The following RIMS1 variants were observed in gnomAD, a reference collection of about 807,000 sequenced individuals.
The protein encoded by RIMS1 is regulating synaptic membrane exocytosis protein 1.
In RIMS1, 83 loss-of-function variants were observed where a neutral mutation model predicts 214.1. The observed-to-expected ratio is 0.39, with a 90% CI of 0.32 to 0.47. The LOEUF (loss-of-function observed/expected upper bound fraction) is 0.47. RIMS1 is among the 20% of genes least tolerant of loss of function. RIMS1 has a pLI of 0.99. For synonymous variants in RIMS1, 793 were observed against 786.8 expected, an observed-to-expected ratio of 1.01 and a Z score of -0.13; for missense variants, 2,050 against 2,161.8, an observed-to-expected ratio of 0.95 and a Z score of 1.03.
chr6:71,918,663 A>G (rs1779119801), intron 1 of RIMS1, among the ~76,000 whole-genome samples: 1 of 152,162 alleles, frequency 6.6e-6, no homozygotes, highest in African/African-American at 2.4e-5. Context: ...AAGAGTTTAA[A>G]AGAAAAATCT....
At chr6:71,999,321 G>A (rs1223519188) in intron 2 of RIMS1, among the ~76,000 whole-genome samples, 5 of 151,992 alleles carry the variant, frequency 3.3e-5, no homozygotes. Flanking sequence ...TGATGATGAC[G>A]ATGATCCTTG....
chr6:71,925,049 T>C (rs1781205825), intron 1 of RIMS1, among the ~76,000 whole-genome samples: 1 of 152,174 alleles, frequency 6.6e-6, no homozygotes, highest in Non-Finnish European at 1.5e-5. Context: ...AGTGCATACA[T>C]CAATGTTTAA....
At chr6:71,890,604 A>G (rs1769492853) in intron 1 of RIMS1, among the ~76,000 whole-genome samples, 1 of 131,878 alleles carries the variant, frequency 7.6e-6, no homozygotes, top group Non-Finnish European at 1.7e-5. Context: ...AAAACTTCAT[A>G]GAGAAAGCAG....
chr6:72,308,409 A>G (rs2095339512), intron 27 of RIMS1, among the ~76,000 whole-genome samples: 1 of 152,132 alleles, frequency 6.6e-6, no homozygotes, highest in Non-Finnish European at 1.5e-5. Flanking sequence ...CTTTGTTGTA[A>G]TTTAATATCA....
chr6:72,107,997 G>GTTTGTTTGT (rs1554227756), intron 4 of RIMS1, among the ~76,000 whole-genome samples: 1 of 151,894 alleles, frequency 6.6e-6, no homozygotes, highest in Non-Finnish European at 1.5e-5. Flanking sequence ...TTTTTTGTTT[G>GTTTGTTTGT]TTTGTTTTGT....
At chr6:72,124,515 T>G (rs1008878146) in intron 4 of RIMS1, among the ~76,000 whole-genome samples, 3 of 151,888 alleles carry the variant, frequency 2.0e-5, no homozygotes, top group Non-Finnish European at 4.4e-5. Flanking sequence ...TGAAGTTGAA[T>G]GTTGGCCAGC....
At chr6:72,212,318 C>A (rs2053960029) in intron 6 of RIMS1, among the ~76,000 whole-genome samples, 1 of 150,294 alleles carries the variant, frequency 6.7e-6, no homozygotes, top group Non-Finnish European at 1.5e-5. Context: ...TAATAGGAAT[C>A]TATATATAAT....
chr6:72,252,386 G>A (rs943088025), intron 15 of RIMS1, among the ~76,000 whole-genome samples: 1 of 152,024 alleles, frequency 6.6e-6, no homozygotes, highest in Non-Finnish European at 1.5e-5. Flanking sequence ...AAATGTCTCT[G>A]AACCTTTCCA....
chr6:72,105,294 C>T (rs188009877), intron 4 of RIMS1, among the ~76,000 whole-genome samples: 1 of 152,100 alleles, frequency 6.6e-6, no homozygotes. Context: ...TCAGTAGTCT[C>T]ATATATAATT....
chr6:72,328,881 C>T (rs2154334655), intron 28 of RIMS1, among the ~76,000 whole-genome samples: 1 of 151,882 alleles, frequency 6.6e-6, no homozygotes, highest in South Asian at 2.1e-4. Flanking sequence ...ATTCCTGACA[C>T]TGAAATCTGC....
At chr6:72,262,522 C>T in intron 19 of RIMS1, 1 of 985,178 alleles carries the variant, frequency 1.0e-6, no homozygotes, top group African/African-American at 1.7e-5. Flanking sequence ...TTTTCTCCTT[C>T]CTGTCTTTCA....
chr6:71,952,486 G>A (rs1789943977), intron 1 of RIMS1, among the ~76,000 whole-genome samples: 1 of 152,112 alleles, frequency 6.6e-6, no homozygotes, highest in African/African-American at 2.4e-5. Context: ...TCTGAAATCG[G>A]GAAATTCGTG....
At chr6:72,212,103 C>A (rs2463717) in intron 6 of RIMS1, among the ~76,000 whole-genome samples, 80,450 of 151,854 alleles carry the variant, frequency 0.53, 23,173 homozygotes, top group East Asian at 0.83. Flanking sequence ...AAATCCAAAA[C>A]AATAATAACT....
chr6:72,281,698 T>C (rs992027428), intron 23 of RIMS1, among the ~76,000 whole-genome samples: 3 of 152,038 alleles, frequency 2.0e-5, no homozygotes, highest in Admixed American at 6.6e-5. Context: ...ACTTTTTCTC[T>C]AACAATATAC....
At chr6:72,395,554 A>C (rs903481338) in intron 31 of RIMS1, among the ~76,000 whole-genome samples, 1 of 152,040 alleles carries the variant, frequency 6.6e-6, no homozygotes, top group African/African-American at 2.4e-5. Context: ...GAATTGGTTA[A>C]TGGTTAATTG....
chr6:72,258,843 C>T, intron 17 of RIMS1, 143 bp from the exon 18 acceptor site: 1 of 764,470 alleles, frequency 1.3e-6, no homozygotes, highest in Non-Finnish European at 2.2e-6. Flanking sequence ...ACCCTTAACT[C>T]ATTGATAAGT....
Position 72,170,296 on chromosome 6 carries a change from A to G in RIMS1, c.472-9279A>G, listed in dbSNP as rs9442749. 5.6e-3 allele frequency among the ~76,000 whole-genome samples: 845 copies of G among 152,180 alleles called. 9 individuals carry two copies. Among genetic ancestry groups the G allele is most frequent in the African/African-American group, 0.02 (819 of 41,534 alleles). On this transcript the variant is annotated intron_variant, in intron 4 of 33. Coordinates refer to ENST00000521978, the MANE Select transcript of RIMS1 (RefSeq NM_014989.7). ...TTTTCTTTTGCATTTATTCCTCAGTACTTATCACCATCTATAATACCACTT... is the reference window on the plus strand; with the variant it reads ...TTTTCTTTTGCATTTATTCCTCAGTGCTTATCACCATCTATAATACCACTT...
chr6:72,386,647 G>A (rs769896230), intron 29 of RIMS1, among the ~76,000 whole-genome samples: 9 of 151,044 alleles, frequency 6.0e-5, no homozygotes, highest in Admixed American at 2.0e-4. Context: ...AATAATTCCC[G>A]CTCTACCTCA....
In RIMS1 at chr6:71,887,172, A is replaced by G. The variant is rs1453667741; in HGVS notation, c.149A>G (p.Glu50Gly). The change falls in exon 1 of 34, where the codon GAA becomes GGA. Residue 50 changes from glutamate to glycine, a missense_variant. By Grantham distance (98) the Glu-to-Gly change is moderately conservative (BLOSUM62 -2). Around this residue, in one of 6 missense-constraint regions of RIMS1, gnomAD observed 882 missense variants for 828.9 expected, o/e 1.06. Coordinates refer to ENST00000521978, the MANE Select transcript of RIMS1 (RefSeq NM_014989.7). Reference sequence around the variant, plus strand: ...CGGCAGAAGGAAGAGGAGGAAAAAGAAGAAGCCATGCTCAAGTAAGCCAGC... The same window carrying G: ...CGGCAGAAGGAAGAGGAGGAAAAAGGAGAAGCCATGCTCAAGTAAGCCAGC... Reference protein sequence around the residue: ...MDRQKEEEEKEEAMLKCVVRD... With the variant: ...MDRQKEEEEKGEAMLKCVVRD... The G allele has an allele frequency of 1.2e-6, 2 of 1,609,460 alleles. No individual in the cohort carries two copies. Among genetic ancestry groups the G allele is most frequent in the Non-Finnish European group, 1.7e-6 (2 of 1,178,016 alleles).
Sources: gnomAD v4.1 joint callset for allele counts (sites outside exome capture counted in the v4.1 genomes callset) on GRCh38, gnomAD v4.1.1 for gene constraint, gnomAD v4.1.1 regional missense constraint, MANE v1.5 for transcripts, NCBI Gene and HGNC (gene_info 2026-07-23, HGNC 2026-07-21) for gene names.